TRPM6: variants seen among roughly 807,000 people sequenced by gnomAD.
TRPM6 encodes the protein channel kinase 2.
TRPM6 carries 111 observed loss-of-function variants against 247.6 expected under a neutral mutation model. That is an observed-to-expected ratio of 0.45 (90% CI 0.38 to 0.52). The LOEUF is 0.52. Among genes scored for constraint, TRPM6 ranks in the 20% least tolerant of loss-of-function variants. The probability of loss-of-function intolerance (pLI) is 0.00; values close to 1 mark genes in which losing one functional copy is unlikely to be tolerated. For missense variants in TRPM6, 2,126 were observed against 2,421.5 expected, an observed-to-expected ratio of 0.88 and a Z score of 2.56; for synonymous variants, 892 against 853.8, an observed-to-expected ratio of 1.04 and a Z score of -0.78.
At chr9:74,852,188 CT>C (rs926726280) in intron 3 of TRPM6, among the ~76,000 whole-genome samples, 1 of 151,584 alleles carries the variant, frequency 6.6e-6, no homozygotes, top group Non-Finnish European at 1.5e-5. Context: ...AGCGGAACTA[CT>C]TTTTAAAACA....
At chr9:74,863,115 C>T (rs1028601040) in intron 1 of TRPM6, among the ~76,000 whole-genome samples, 1 of 151,790 alleles carries the variant, frequency 6.6e-6, no homozygotes, top group Non-Finnish European at 1.5e-5. Flanking sequence ...GGCACGATCT[C>T]GGCTCACTGC....
chr9:74,858,946 C>A (rs965365609), intron 1 of TRPM6, among the ~76,000 whole-genome samples, 198 bp from the exon 2 acceptor site: 2 of 152,154 alleles, frequency 1.3e-5, no homozygotes, highest in Admixed American at 6.5e-5. Flanking sequence ...GAACATTAAA[C>A]GACACGCAAA....
chr9:74,831,224 G>A (rs1287701302), intron 6 of TRPM6, among the ~76,000 whole-genome samples: 1 of 152,052 alleles, frequency 6.6e-6, no homozygotes, highest in Non-Finnish European at 1.5e-5. Context: ...AGGCACAGTG[G>A]CTCCCGCCTG....
At chr9:74,772,132 A>T (rs1827069206) in intron 24 of TRPM6, among the ~76,000 whole-genome samples, 1 of 152,162 alleles carries the variant, frequency 6.6e-6, no homozygotes, top group East Asian at 1.9e-4. Flanking sequence ...TCTACAAAAA[A>T]ATTTCAATAT....
chr9:74,846,273 T>C (rs1244367925), intron 3 of TRPM6, among the ~76,000 whole-genome samples: 1 of 152,244 alleles, frequency 6.6e-6, no homozygotes, highest in East Asian at 1.9e-4. Context: ...AACAGACATT[T>C]AAGGCGCAAA....
intron 28 of TRPM6, among the ~76,000 whole-genome samples, chr9:74,753,556 G>A (rs1003530697): frequency 6.6e-6 from 1 of 151,656 alleles, no homozygotes; most frequent in African/African-American, 2.4e-5. Context: ...AATTAGCCAA[G>A]CATGGTGGCA....
intron 6 of TRPM6, among the ~76,000 whole-genome samples, chr9:74,833,619 C>G: frequency 6.6e-6 from 1 of 152,094 alleles, no homozygotes. Flanking sequence ...TGTTAGGAGA[C>G]AAAGGTAAGA....
intron 23 of TRPM6, among the ~76,000 whole-genome samples, chr9:74,777,625 C>A (rs1425889670): frequency 1.3e-5 from 2 of 152,068 alleles, no homozygotes; most frequent in Non-Finnish European, 2.9e-5. Context: ...TTTGTCTCCC[C>A]ACATCAGAGT....
chr9:74,748,825 T>C (rs529346203), intron 30 of TRPM6, among the ~76,000 whole-genome samples: 1 of 152,268 alleles, frequency 6.6e-6, no homozygotes, highest in African/African-American at 2.4e-5. Flanking sequence ...TATAGAAATT[T>C]AGTGTAGCCT....
intron 8 of TRPM6, among the ~76,000 whole-genome samples, chr9:74,820,790 C>T (rs1829108830): frequency 6.6e-6 from 1 of 152,080 alleles, no homozygotes; most frequent in South Asian, 2.1e-4. Context: ...TCTGCCACAT[C>T]CTGAAAAGAA....
intron 5 of TRPM6, among the ~76,000 whole-genome samples, chr9:74,839,123 A>G (rs1372221294): frequency 1.3e-5 from 2 of 151,692 alleles, no homozygotes; most frequent in Admixed American, 6.6e-5. Flanking sequence ...AAAAAAAAAA[A>G]AAAAGAAAAA....
rs537501268 is a variant in TRPM6 at position 74,792,819 on chromosome 9, T to C, written c.2392-49A>G. The C allele has an allele frequency of 4.9e-5, 76 of 1,564,906 alleles. No homozygotes were observed. In the South Asian group the frequency reaches 7.6e-4, roughly 16 times the overall value. On this transcript the variant is annotated intron_variant, in intron 18 of 38. Coordinates refer to ENST00000360774, the MANE Select transcript of TRPM6 (RefSeq NM_017662.5). ...TTTCTTGTCAGCAGCTTAACTAAAA[T>C]AGTGACAAGCATGAACATCCAAAAA...
At chr9:74,779,490 C>T (rs1172213116) in intron 23 of TRPM6, among the ~76,000 whole-genome samples, 1 of 152,066 alleles carries the variant, frequency 6.6e-6, no homozygotes, top group East Asian at 1.9e-4. Flanking sequence ...TTTTGATTTA[C>T]TTTGCTGACT....
chr9:74,734,739 T>C (rs1356479223), intron 36 of TRPM6, among the ~76,000 whole-genome samples: 1 of 152,238 alleles, frequency 6.6e-6, no homozygotes, highest in Non-Finnish European at 1.5e-5. Context: ...ATGTTTCTGA[T>C]TGATTATCTC....
Position 74,821,697 on chromosome 9 carries a change from A to G in TRPM6, c.982T>C (p.Phe328Leu). The G allele has an allele frequency of 6.2e-7, 1 of 1,614,234 alleles. No individual in the cohort carries two copies. Among genetic ancestry groups the G allele is most frequent in the Non-Finnish European group, 8.5e-7 (1 of 1,180,030 alleles). The change falls in exon 8 of 39, where the codon TTC becomes CTC. Residue 328 changes from phenylalanine (F) to leucine (L), a missense_variant. This residue lies in a region of TRPM6 where 1,082 missense variants were observed against 1,307.9 expected (regional missense o/e 0.83). Coordinates refer to ENST00000360774, the MANE Select transcript of TRPM6 (RefSeq NM_017662.5). ...TCATCTGCCAGGTGTTTGTGTGTGA[A>G]GGCCAGGAGGTCAGCCGCCCTACCT... ...GTGRAADLLAFTHKHLADEGM... is the reference protein window; with the variant it reads ...GTGRAADLLALTHKHLADEGM...
At position 74,816,949 on chromosome 9, in the gene TRPM6, C is replaced by A. The variant is rs995780111; in HGVS notation, c.1150G>T (p.Ala384Ser). Residue 384 changes from alanine (A) to serine (S), a missense_variant, in exon 10 of 39, where the codon GCT becomes TCT. This residue lies in a region of TRPM6 where 1,082 missense variants were observed against 1,307.9 expected (regional missense o/e 0.83). Transcript: ENST00000360774. ...AGGTCTTGCTGCTCTTCAGAGTCAG[C>A]ATCAAATATGGTAATCTACAACAGT... ...VHRDCITIFD[A>S]DSEEQQDLDL... 6.2e-7 allele frequency: 1 copy of A among 1,614,014 alleles called. No individual in the cohort carries two copies.
At chr9:74,860,043 G>A (rs924525369) in intron 1 of TRPM6, among the ~76,000 whole-genome samples, 1 of 152,084 alleles carries the variant, frequency 6.6e-6, no homozygotes, top group Non-Finnish European at 1.5e-5. Flanking sequence ...AATCCTAAAC[G>A]TAAGTGTTCA....
At chr9:74,874,965 A>G (rs1831147405) in intron 1 of TRPM6, among the ~76,000 whole-genome samples, 1 of 150,952 alleles carries the variant, frequency 6.6e-6, no homozygotes, top group Non-Finnish European at 1.5e-5. Flanking sequence ...AAGTTTCGCC[A>G]TATTGGCCAG....
In TRPM6 at chr9:74,761,692, T is replaced by C; in HGVS notation, c.4785+4A>G. 2 of 1,573,714 alleles carry C rather than the reference T, an allele frequency of 1.3e-6. No individual in the cohort carries two copies. The highest frequency in any genetic ancestry group is 8.7e-7 in the Non-Finnish European group (1 of 1,144,076). ...CCTAAAAGACAGAATAACAGTACAC[T>C]TACTGGCACCTGGAGTCCTTGAGTA... On this transcript the variant is annotated splice_donor_region_variant and intron_variant, in intron 27 of 38. Transcript: ENST00000360774.
Sources: gnomAD v4.1 joint callset for allele counts (sites outside exome capture counted in the v4.1 genomes callset) on GRCh38, gnomAD v4.1.1 for gene constraint, gnomAD v4.1.1 regional missense constraint, MANE v1.5 for transcripts, NCBI Gene and HGNC (gene_info 2026-07-23, HGNC 2026-07-21) for gene names.